Variants in GSK3B observed in about 807,000 individuals in gnomAD.
GSK3B encodes glycogen synthase kinase 3 beta, also known as glycogen synthase kinase-3 beta.
GSK3B carries 15 observed loss-of-function variants against 56.4 expected under a neutral mutation model. The observed-to-expected ratio is 0.27, with a 90% CI of 0.18 to 0.41. The LOEUF (loss-of-function observed/expected upper bound fraction) is 0.41. GSK3B is among the 10% of genes least tolerant of loss of function. The pLI is 1.00. For missense variants in GSK3B, 300 were observed against 513.4 expected (o/e 0.58, Z 4.02); for synonymous variants, 181 against 188.9 (o/e 0.96, Z 0.34).
At chr3:119,955,476 T>C (rs1174859839) in intron 2 of GSK3B, among the ~76,000 whole-genome samples, 1 of 152,150 alleles carries the variant, frequency 6.6e-6, no homozygotes, top group Non-Finnish European at 1.5e-5. Flanking sequence ...TAACACAATG[T>C]GATTAAGTTG....
chr3:119,971,029 T>C (rs2057362051), intron 2 of GSK3B, among the ~76,000 whole-genome samples: 2 of 152,342 alleles, frequency 1.3e-5, no homozygotes, highest in East Asian at 1.9e-4. Flanking sequence ...TATGATTATA[T>C]TCTTTTCAGA....
At chr3:120,037,253 C>G (rs2058030830) in intron 1 of GSK3B, among the ~76,000 whole-genome samples, 1 of 152,170 alleles carries the variant, frequency 6.6e-6, no homozygotes, top group Non-Finnish European at 1.5e-5. Context: ...ATGCATTTCG[C>G]TATTATATTG....
chr3:119,886,400 T>C (rs985225186), intron 7 of GSK3B, among the ~76,000 whole-genome samples: 1 of 152,184 alleles, frequency 6.6e-6, no homozygotes, highest in East Asian at 1.9e-4. Context: ...CAGATGCTGG[T>C]GAGGCTGCAG....
chr3:119,898,550 G>A (rs1297767345), intron 7 of GSK3B, among the ~76,000 whole-genome samples: 1 of 152,086 alleles, frequency 6.6e-6, no homozygotes, highest in African/African-American at 2.4e-5. Flanking sequence ...AACTCAATGG[G>A]TTCTGGGTAT....
At position 119,981,984 on chromosome 3, in the gene GSK3B, C is replaced by T. The variant is rs1428307088; in HGVS notation, c.282+20062G>A. Among the ~76,000 whole-genome samples the T allele has an allele frequency of 3.3e-5, 5 of 152,288 alleles. No homozygotes were observed. In the East Asian group the frequency reaches 5.8e-4, roughly 18 times the overall value. On this transcript the variant is annotated intron_variant, in intron 2 of 10. Coordinates refer to ENST00000264235, the MANE Select transcript of GSK3B (RefSeq NM_001146156.2). ...CATATAGGCAGCTGCCCCGCTGTGA[C>T]GAAGCTTCCAGAGGAAGATCAGGCA...
rs147942080 is a variant in GSK3B, at chr3:119,944,370, GA to G, written c.366+2897del. On this transcript the variant is annotated intron_variant, in intron 3 of 10. Coordinates refer to ENST00000264235, the MANE Select transcript of GSK3B (RefSeq NM_001146156.2). Reference sequence around the variant, plus strand: ...TAAACGTCAAAAGAAACCTCAAAAAGAAAACTGAAACCTCAAGAAGAAAATT... The same window carrying G: ...TAAACGTCAAAAGAAACCTCAAAAAGAAACTGAAACCTCAAGAAGAAAATT... Among the ~76,000 whole-genome samples the G allele has an allele frequency of 5.0e-3, 756 of 152,170 alleles. 7 individuals carry two copies. Among genetic ancestry groups the G allele is most frequent in the African/African-American group, 0.018 (735 of 41,530 alleles).
intron 10 of GSK3B, among the ~76,000 whole-genome samples, chr3:119,832,000 C>T (rs1189993562): frequency 6.6e-6 from 1 of 152,216 alleles, no homozygotes; most frequent in African/African-American, 2.4e-5. Context: ...ATGATTCATG[C>T]CTCTTGGTAT....
At chr3:119,905,643 G>T in intron 7 of GSK3B, 112 bp downstream of exon 7, 2 of 704,868 alleles carry the variant, frequency 2.8e-6, no homozygotes, top group Non-Finnish European at 2.6e-6. Flanking sequence ...ACGTGACCTT[G>T]GATTGCTTCC....
chr3:120,037,781 T>C (rs1443023934), intron 1 of GSK3B, among the ~76,000 whole-genome samples: 3 of 152,176 alleles, frequency 2.0e-5, no homozygotes, highest in Admixed American at 2.0e-4. Context: ...TTATGCTCTT[T>C]ATGATGGTTA....
chr3:120,021,460 G>A (rs907508817), intron 1 of GSK3B, among the ~76,000 whole-genome samples: 1 of 151,820 alleles, frequency 6.6e-6, no homozygotes, highest in South Asian at 2.1e-4. Context: ...AGGTTGCAGT[G>A]AGCCGAGATT....
At chr3:120,024,271 G>A (rs2057904867) in intron 1 of GSK3B, among the ~76,000 whole-genome samples, 1 of 152,234 alleles carries the variant, frequency 6.6e-6, no homozygotes, top group South Asian at 2.1e-4. Context: ...AGGAGGTCAA[G>A]GCCACAGTGA....
chr3:119,971,652 C>CG, intron 2 of GSK3B, among the ~76,000 whole-genome samples: 1 of 117,628 alleles, frequency 8.5e-6, no homozygotes, highest in Non-Finnish European at 1.6e-5. Context: ...CGCTCTGTCG[C>CG]CCAGGCTGGA....
intron 4 of GSK3B, among the ~76,000 whole-genome samples, chr3:119,920,620 G>T (rs1265168238): frequency 6.6e-6 from 1 of 152,108 alleles, no homozygotes; most frequent in Non-Finnish European, 1.5e-5. Flanking sequence ...GCTGTGCTTA[G>T]ATCTTAAATT....
intron 1 of GSK3B, among the ~76,000 whole-genome samples, chr3:120,058,758 C>G (rs2058212129): frequency 6.6e-6 from 1 of 151,902 alleles, no homozygotes; most frequent in Non-Finnish European, 1.5e-5. Flanking sequence ...GCCTGTAATC[C>G]CAGCACTTTG....
At chr3:120,081,874 T>C (rs536066392) in intron 1 of GSK3B, among the ~76,000 whole-genome samples, 49 of 152,324 alleles carry the variant, frequency 3.2e-4, no homozygotes, top group Non-Finnish European at 4.1e-4. Flanking sequence ...AGGAGTTATA[T>C]GAAAGTGAAT....
intron 2 of GSK3B, among the ~76,000 whole-genome samples, chr3:119,969,013 C>T (rs114314263): frequency 0.016 from 2,419 of 152,094 alleles, 63 homozygotes; most frequent in African/African-American, 0.055. Context: ...ATCATGAGGC[C>T]GGGAGTGATG....
At position 120,093,543 on chromosome 3, in the gene GSK3B, G is replaced by A; in HGVS notation, c.-109C>T. On this transcript the variant is annotated 5_prime_UTR_variant, in exon 1 of 11. Transcript: ENST00000264235. ...AAATGCAGCATTAAGTTCTCCCACA[G>A]AAGAAAAAGAAAAAGACTTCGTCCT... The A allele has an allele frequency of 2.9e-6, 2 of 701,262 alleles. No individual in the cohort carries two copies. The highest frequency in any genetic ancestry group is 1.7e-5 in the South Asian group (1 of 59,960). 43.4% of individuals were successfully genotyped at this position (701,262 alleles called of 1,614,324 possible). A position where few individuals can be genotyped will look rare whatever the true frequency, so the allele number is the denominator to read the frequency against.
intron 2 of GSK3B, among the ~76,000 whole-genome samples, chr3:119,961,602 G>A (rs940139133): frequency 1.3e-5 from 2 of 148,466 alleles, no homozygotes; most frequent in African/African-American, 5.0e-5. Flanking sequence ...CACTCAGCCT[G>A]GGTGACAGAG....
At chr3:119,964,760 A>G (rs1420195625) in intron 2 of GSK3B, among the ~76,000 whole-genome samples, 1 of 152,192 alleles carries the variant, frequency 6.6e-6, no homozygotes, top group African/African-American at 2.4e-5. Context: ...ATTCTTACCT[A>G]CCCTCTCAAA....
Sources: gnomAD v4.1 joint callset for allele counts (sites outside exome capture counted in the v4.1 genomes callset) on GRCh38, gnomAD v4.1.1 for gene constraint, MANE v1.5 for transcripts, NCBI Gene and HGNC (gene_info 2026-07-23, HGNC 2026-07-21) for gene names.